Variants in COL14A1 observed in about 807,000 individuals in gnomAD.
COL14A1 encodes collagen alpha-1(XIV) chain.
In COL14A1, 136 loss-of-function variants were observed where a neutral mutation model predicts 230.3. The ratio of observed to expected loss-of-function variants is 0.59; its 90% confidence interval spans 0.51 to 0.68. The LOEUF (loss-of-function observed/expected upper bound fraction) is 0.68, where lower values mean the gene tolerates loss of function less well. Ranked by LOEUF, COL14A1 falls within the 30% of genes least tolerant of loss-of-function variation. COL14A1 has a pLI of 0.00. For synonymous variants in COL14A1, 792 were observed against 784.1 expected (o/e 1.01, Z -0.17); for missense variants, 1,976 against 2,215.8 (o/e 0.89, Z 2.17).
chr8:120,227,470 C>T, intron 17 of COL14A1, 118 bp downstream of exon 17: 1 of 1,294,352 alleles, frequency 7.7e-7, no homozygotes, highest in Non-Finnish European at 1.1e-6. Flanking sequence ...TTCTCTTTGT[C>T]CCCCAGAATT....
chr8:120,333,742 G>A (rs1400379662), intron 42 of COL14A1, among the ~76,000 whole-genome samples: 1 of 152,202 alleles, frequency 6.6e-6, no homozygotes, highest in Non-Finnish European at 1.5e-5. Context: ...GAGGCTAGAG[G>A]AGAGAATCTC....
intron 19 of COL14A1, among the ~76,000 whole-genome samples, chr8:120,234,092 G>C (rs1040116431): frequency 7.5e-6 from 1 of 133,544 alleles, no homozygotes; most frequent in Non-Finnish European, 1.6e-5. Context: ...GTGAATAGGA[G>C]TTCGCTCATG....
intron 14 of COL14A1, 44 bp from the exon 15 acceptor site, chr8:120,225,044 T>G: frequency 3.2e-6 from 5 of 1,572,132 alleles, no homozygotes; most frequent in Non-Finnish European, 4.3e-6. Context: ...ATTCTTATAC[T>G]TAGCATTAGA....
chr8:120,209,042 C>T (rs1817535701), intron 11 of COL14A1, among the ~76,000 whole-genome samples: 1 of 152,136 alleles, frequency 6.6e-6, no homozygotes, highest in Non-Finnish European at 1.5e-5. Flanking sequence ...CACAATGCGC[C>T]AGGCACTGTG....
intron 45 of COL14A1, among the ~76,000 whole-genome samples, chr8:120,362,612 T>C (rs1823258114): frequency 6.6e-6 from 1 of 152,180 alleles, no homozygotes; most frequent in Non-Finnish European, 1.5e-5. Context: ...TGGTTTCTAA[T>C]GAGACTCTGA....
chr8:120,239,839 T>TTG (rs1563690595), intron 19 of COL14A1, among the ~76,000 whole-genome samples: 3 of 91,182 alleles, frequency 3.3e-5, no homozygotes, highest in African/African-American at 1.6e-4. Flanking sequence ...TTTGTTTTTT[T>TTG]TTTGTTTGTT....
intron 45 of COL14A1, among the ~76,000 whole-genome samples, chr8:120,366,932 A>C (rs1823422608): frequency 6.6e-6 from 1 of 152,200 alleles, no homozygotes; most frequent in South Asian, 2.1e-4. Context: ...AGAAAGAGAG[A>C]CTGGCAGAAT....
At chr8:120,166,196 A>T (rs1815866250) in intron 4 of COL14A1, among the ~76,000 whole-genome samples, 1 of 152,220 alleles carries the variant, frequency 6.6e-6, no homozygotes, top group South Asian at 2.1e-4. Context: ...CATTTGAACT[A>T]GACTTTGAAA....
At chr8:120,150,055 A>G (rs1172295396) in intron 2 of COL14A1, among the ~76,000 whole-genome samples, 1 of 152,208 alleles carries the variant, frequency 6.6e-6, no homozygotes, top group Non-Finnish European at 1.5e-5. Flanking sequence ...TTCAAGATAC[A>G]AAGCTAAATA....
At position 120,314,018 on chromosome 8, in the gene COL14A1, A is replaced by G. The variant is rs943064456; in HGVS notation, c.4542A>G (p.Gln1514=). 1 of 1,609,080 alleles carries G rather than the reference A, an allele frequency of 6.2e-7. No individual in the cohort carries two copies. The highest frequency in any genetic ancestry group is 8.5e-7 in the Non-Finnish European group (1 of 1,177,416). Residue 1514 remains glutamine, a synonymous_variant, in exon 38 of 48, where the codon CAA becomes CAG. Coordinates refer to ENST00000297848, the MANE Select transcript of COL14A1 (RefSeq NM_021110.4). ...AAGGACCAAGTGGTCTGTCCATTCA[A>G]GGAATGCCCGTGAGTTGTGTTCAAA... The part of the protein sequence containing the change: ...GPQGPSGLSI[Q]GMPGMPGEKG...
chr8:120,127,649 A>C (rs925310867), intron 1 of COL14A1, among the ~76,000 whole-genome samples: 2 of 152,140 alleles, frequency 1.3e-5, no homozygotes, highest in Non-Finnish European at 2.9e-5. Context: ...CATTAAGAAG[A>C]CCTCTTGGGG....
At chr8:120,148,464 G>A (rs1196444161) in intron 2 of COL14A1, among the ~76,000 whole-genome samples, 3 of 152,094 alleles carry the variant, frequency 2.0e-5, no homozygotes, top group Admixed American at 1.3e-4. Flanking sequence ...GCCTGTGCAA[G>A]TTTAATCAGT....
chr8:120,320,233 T>C (rs1025086095), intron 40 of COL14A1, among the ~76,000 whole-genome samples: 2 of 152,222 alleles, frequency 1.3e-5, no homozygotes, highest in Admixed American at 1.3e-4. Flanking sequence ...TCTATAAAAA[T>C]GTGATTTTAG....
chr8:120,207,164 G>A lies in COL14A1; in HGVS notation c.1191+70G>A, dbSNP rs115838071. ...AAGTCTTCTACAATAGTGAGAACAAGGCAGAAATATAAATATAAGATTATT... is the reference window on the plus strand; with the variant it reads ...AAGTCTTCTACAATAGTGAGAACAAAGCAGAAATATAAATATAAGATTATT... On this transcript the variant is annotated intron_variant, in intron 10 of 47. Coordinates refer to ENST00000297848, the MANE Select transcript of COL14A1 (RefSeq NM_021110.4). 2.4e-3 allele frequency: 3,009 copies of A among 1,255,964 alleles called. 59 individuals carry two copies. In the African/African-American group the frequency reaches 0.04, roughly 17 times the overall value. 77.8% of individuals were successfully genotyped at this position (1,255,964 alleles called of 1,614,324 possible). A position where few individuals can be genotyped will look rare whatever the true frequency, so the allele number is the denominator to read the frequency against.
intron 5 of COL14A1, among the ~76,000 whole-genome samples, chr8:120,174,760 G>A (rs1427803671): frequency 6.6e-6 from 1 of 152,168 alleles, no homozygotes; most frequent in Non-Finnish European, 1.5e-5. Flanking sequence ...TGCCAGGGCA[G>A]TGAGGACTTT....
chr8:120,347,068 G>T (rs1822545857), intron 45 of COL14A1, among the ~76,000 whole-genome samples: 1 of 152,158 alleles, frequency 6.6e-6, no homozygotes, highest in South Asian at 2.1e-4. Flanking sequence ...CAATAATGGA[G>T]AAACTGTGAC....
Position 120,195,865 on chromosome 8 carries a change from T to C in COL14A1, c.437-926T>C, listed in dbSNP as rs1173715662. ...TGGGTGGGGACACAACCAAACCATATCGACATTGTTAAGGATTTGTGAAAC... is the reference window on the plus strand; with the variant it reads ...TGGGTGGGGACACAACCAAACCATACCGACATTGTTAAGGATTTGTGAAAC... On this transcript the variant is annotated intron_variant, in intron 5 of 47. Coordinates refer to ENST00000297848, the MANE Select transcript of COL14A1 (RefSeq NM_021110.4). 3.9e-5 allele frequency among the ~76,000 whole-genome samples: 6 copies of C among 152,098 alleles called. No homozygotes were observed. In the East Asian group the frequency reaches 1.2e-3, roughly 29 times the overall value.
chr8:120,147,861 A>G lies in COL14A1; in HGVS notation c.19A>G (p.Lys7Glu), dbSNP rs1815147950. 6.2e-7 allele frequency: 1 copy of G among 1,613,712 alleles called. No homozygotes were observed. Among genetic ancestry groups the G allele is most frequent in the Non-Finnish European group, 8.5e-7 (1 of 1,179,900 alleles). Reference protein sequence around the residue: MKIFQRKMRYWLLPPFL... With the variant: MKIFQREMRYWLLPPFL... ...AAATAAAATGAAGATTTTCCAGCGC[A>G]AGATGCGGTACTGGTTGCTTCCACC... The change falls in exon 2 of 48, where the codon AAG becomes GAG. Residue 7 changes from lysine (K) to glutamate (E), a missense_variant. By Grantham distance (56) the Lys-to-Glu change is moderately conservative. Transcript: ENST00000297848.
intron 45 of COL14A1, among the ~76,000 whole-genome samples, chr8:120,362,704 G>A (rs1823261058): frequency 6.6e-6 from 1 of 152,154 alleles, no homozygotes; most frequent in South Asian, 2.1e-4. Flanking sequence ...TGGGAGCAGG[G>A]TGTATATGAG....
Sources: gnomAD v4.1 joint callset for allele counts (sites outside exome capture counted in the v4.1 genomes callset) on GRCh38, gnomAD v4.1.1 for gene constraint, MANE v1.5 for transcripts, NCBI Gene and HGNC (gene_info 2026-07-23, HGNC 2026-07-21) for gene names.